The following STX11 variants were observed in gnomAD, a reference collection of about 807,000 sequenced individuals.
STX11 encodes syntaxin 11.
In STX11, 21 loss-of-function variants were observed where a neutral mutation model predicts 19.9. That is an observed-to-expected ratio of 1.06 (90% confidence interval 0.75 to 1.52). The LOEUF (loss-of-function observed/expected upper bound fraction) is 1.52, where lower values mean the gene tolerates loss of function less well. Ranked by LOEUF, STX11 falls within the 40% of genes most tolerant of loss-of-function variation. STX11 has a pLI of 0.00. For synonymous variants in STX11, 193 were observed against 174.4 expected (o/e 1.11, Z -0.84); for missense variants, 438 against 405.9 (o/e 1.08, Z -0.68).
the STX11 span, among the ~76,000 whole-genome samples, chr6:144,140,227 TATATATATATATATATATATATATA>T: frequency 9.9e-5 from 4 of 40,400 alleles, no homozygotes; most frequent in African/African-American, 4.9e-4. Context: ...TATATATATA[TATATATATATATATATATATATATA>T]TATTTATTTA....
In STX11 at chr6:144,170,503, G is replaced by T. The variant is rs73778554; in HGVS notation, c.-5-16120G>T. Among the ~76,000 whole-genome samples, 726 of 152,262 alleles carry T rather than the reference G, an allele frequency of 4.8e-3. 6 individuals carry two copies. The highest frequency in any genetic ancestry group is 0.017 in the African/African-American group (688 of 41,534). ...GACTTGTCACAGGAGGTCAAGTGTG[G>T]AATAGTCCCCTTGTGGCCAATGCTC... On this transcript the variant is annotated intron_variant, in intron 1 of 1. Transcript: ENST00000367568. This position sits in a 1 kb window ranked among gnomAD's most constrained non-coding sequence, Gnocchi z 4.7.
Position 144,169,663 on chromosome 6 carries a change from C to CCCTTCATT in STX11, c.-5-16955_-5-16954insATTCCTTC, listed in dbSNP as rs1801575787. On this transcript the variant is annotated intron_variant, in intron 1 of 1. Coordinates refer to ENST00000367568, the MANE Select transcript of STX11 (RefSeq NM_003764.4). This position sits in a 1 kb window ranked among gnomAD's most constrained non-coding sequence, Gnocchi z 5.2. Reference sequence around the variant, plus strand: ...CTCCTTTTCTTTTCCCTCCCTCCCTCCCTTCCTTCCTTCCTTCCTTCCTTC... The same window carrying CCCTTCATT: ...CTCCTTTTCTTTTCCCTCCCTCCCTCCCTTCATTCCTTCCTTCCTTCCTTCCTTCCTTC... Among the ~76,000 whole-genome samples, 1 of 139,668 alleles carries CCCTTCATT rather than the reference C, an allele frequency of 7.2e-6. No individual in the cohort carries two copies. Among genetic ancestry groups the CCCTTCATT allele is most frequent in the Non-Finnish European group, 1.5e-5 (1 of 64,916 alleles). 91.6% of individuals were successfully genotyped at this position (139,668 alleles called of 152,430 possible).
At chr6:144,147,461 G>C (rs535572514), upstream of STX11, among the ~76,000 whole-genome samples, 1 of 152,224 alleles carries the variant, frequency 6.6e-6, no homozygotes, top group South Asian at 2.1e-4. This position sits in a 1 kb window ranked among gnomAD's most constrained non-coding sequence, Gnocchi z 4.2. Context: ...TCACTAATCA[G>C]AACTTCTCAT....
rs916961386 is a variant in STX11 at position 144,150,521 on chromosome 6, G to A, written c.-188G>A. On this transcript the variant is annotated 5_prime_UTR_variant, in exon 1 of 2. It removes an upstream start codon present in the reference 5' UTR. Coordinates refer to ENST00000367568, the MANE Select transcript of STX11 (RefSeq NM_003764.4). ...GGGGCTGAGCCGGCGGCGCCCAGATGCGGCCGCGGCGGCGCGGAGCTCGGG... is the reference window on the plus strand; with the variant it reads ...GGGGCTGAGCCGGCGGCGCCCAGATACGGCCGCGGCGGCGCGGAGCTCGGG... 2 of 985,278 alleles carry A rather than the reference G, an allele frequency of 2.0e-6. No individual in the cohort carries two copies. The highest frequency in any genetic ancestry group is 2.4e-6 in the Non-Finnish European group (2 of 829,956). The allele number at this position is 985,278 out of a possible 1,614,324, so 61.0% of individuals were successfully genotyped here. A position where few individuals can be genotyped will look rare whatever the true frequency, so the allele number is the denominator to read the frequency against.
chr6:144,181,618 G>C (rs186236942), intron 1 of STX11, among the ~76,000 whole-genome samples: 1,444 of 116,018 alleles, frequency 0.012, 16 homozygotes, highest in Middle Eastern at 0.093. Flanking sequence ...AAAAAAAAAA[G>C]CTGACATGGT....
intron 1 of STX11, among the ~76,000 whole-genome samples, chr6:144,168,511 T>C (rs1716611401): frequency 1.3e-5 from 2 of 152,188 alleles, no homozygotes; most frequent in Admixed American, 1.3e-4. Context: ...TTTGTTGATG[T>C]TAAAAAAAAC....
chr6:144,166,525 CTTTT>C (rs1174123119), intron 1 of STX11, among the ~76,000 whole-genome samples: 1 of 125,530 alleles, frequency 8.0e-6, no homozygotes, highest in African/African-American at 3.1e-5. Context: ...CTTTTCTTTC[CTTTT>C]TTTTTTTTTT....
chr6:144,164,293 T>A (rs1423753056), intron 1 of STX11, among the ~76,000 whole-genome samples: 1 of 152,216 alleles, frequency 6.6e-6, no homozygotes, highest in Non-Finnish European at 1.5e-5. Flanking sequence ...TATGCTGTTG[T>A]GTATATTTTA....
chr6:144,148,295 C>T (rs1800915030), upstream of STX11, among the ~76,000 whole-genome samples: 1 of 152,196 alleles, frequency 6.6e-6, no homozygotes, highest in Non-Finnish European at 1.5e-5. Flanking sequence ...ATGCTCCTGC[C>T]TCGGGGCCTT....
upstream of STX11, among the ~76,000 whole-genome samples, chr6:144,150,332 T>C (rs1338419955): frequency 6.6e-6 from 1 of 152,186 alleles, no homozygotes; most frequent in Non-Finnish European, 1.5e-5. Flanking sequence ...GCCCCTGGGC[T>C]TGCGGGAGGG....
the STX11 span, chr6:144,140,709 G>T: frequency 1.0e-6 from 1 of 979,562 alleles, no homozygotes; most frequent in Non-Finnish European, 1.2e-6. Flanking sequence ...CATCTGAAGA[G>T]TGCCAAAGGG....
chr6:144,149,555 C>A (rs1800939482), upstream of STX11, among the ~76,000 whole-genome samples: 1 of 152,200 alleles, frequency 6.6e-6, no homozygotes, highest in African/African-American at 2.4e-5. This position sits in a 1 kb window ranked among gnomAD's most constrained non-coding sequence, Gnocchi z 5.1. Context: ...CGGCTCACTG[C>A]ATCCTTGACC....
At position 144,187,529 on chromosome 6, in the gene STX11, T is replaced by A. The variant is rs1802094114; in HGVS notation, c.*38T>A. On this transcript the variant is annotated 3_prime_UTR_variant, in exon 2 of 2. Coordinates refer to ENST00000367568, the MANE Select transcript of STX11 (RefSeq NM_003764.4). This position sits in a 1 kb window ranked among gnomAD's most constrained non-coding sequence, Gnocchi z 5.6. ...GGCCGCCACCGCCCATCCCAGACCA[T>A]GGAGCGCGCTGGGAAGGACGCACCA... is the stretch of plus-strand genomic sequence containing the variant. 6.2e-7 allele frequency: 1 copy of A among 1,609,220 alleles called. No homozygotes were observed. Among genetic ancestry groups the A allele is most frequent in the Non-Finnish European group, 8.5e-7 (1 of 1,178,850 alleles).
At chr6:144,161,454 G>A (rs1226676682) in intron 1 of STX11, among the ~76,000 whole-genome samples, 1 of 152,004 alleles carries the variant, frequency 6.6e-6, no homozygotes, top group Non-Finnish European at 1.5e-5. Context: ...TGCAACCCCC[G>A]CCTCCCAGGT....
At position 144,155,990 on chromosome 6, in the gene STX11, CTTTCTTTCT is replaced by C. The variant is rs1562655450; in HGVS notation, c.-6+5290_-6+5298del. 1.5e-5 allele frequency among the ~76,000 whole-genome samples: 2 copies of C among 132,178 alleles called. No individual in the cohort carries two copies. The highest frequency in any genetic ancestry group is 7.4e-5 in the African/African-American group (2 of 26,916). 86.7% of individuals were successfully genotyped at this position (132,178 alleles called of 152,430 possible). The stretch of plus-strand genomic sequence containing the variant: ...TCTTTCTTTCTTTCTTTCTTTCTTT[CTTTCTTTCT>C]TTCTTTCTTTCTTTCTCTCTTTCTC... On this transcript the variant is annotated intron_variant, in intron 1 of 1. Transcript: ENST00000367568. This position sits in a 1 kb window ranked among gnomAD's most constrained non-coding sequence, Gnocchi z 4.5.
At position 144,167,979 on chromosome 6, in the gene STX11, C is replaced by T. The variant is rs1205692265; in HGVS notation, c.-6+17276C>T. On this transcript the variant is annotated intron_variant, in intron 1 of 1. Coordinates refer to ENST00000367568, the MANE Select transcript of STX11 (RefSeq NM_003764.4). The surrounding 1 kb of genome is among the most constrained non-coding windows in gnomAD (Gnocchi z 5.0). Reference sequence around the variant, plus strand: ...TACTTATGGTAAAAAAAATAACATACCATTAATACAGTGAAAAAAATAATG... The same window carrying T: ...TACTTATGGTAAAAAAAATAACATATCATTAATACAGTGAAAAAAATAATG... 2.6e-5 allele frequency among the ~76,000 whole-genome samples: 4 copies of T among 152,128 alleles called. No individual in the cohort carries two copies. Among genetic ancestry groups the T allele is most frequent in the Admixed American group, 2.6e-4 (4 of 15,270 alleles).
rs1163701228 is a variant in STX11, at chr6:144,182,231, A to T, written c.-5-4392A>T. On this transcript the variant is annotated intron_variant, in intron 1 of 1. Transcript: ENST00000367568. The surrounding 1 kb of genome is among the most constrained non-coding windows in gnomAD (Gnocchi z 4.8). ...TATTTTTGTATAACTTCAGTAGTGT[A>T]TACACTTTTAACCTTTTTGGAGACA... Among the ~76,000 whole-genome samples, 1 of 152,192 alleles carries T rather than the reference A, an allele frequency of 6.6e-6. No homozygotes were observed. The highest frequency in any genetic ancestry group is 1.9e-4 in the East Asian group (1 of 5,200).
Position 144,170,375 on chromosome 6 carries a change from C to A in STX11, c.-5-16248C>A, listed in dbSNP as rs1299457378. ...GTGTGCGTGGGAAGGGGAATCTGGA[C>A]ATGTGCAGAAAAGATGTATTGCAGC... On this transcript the variant is annotated intron_variant, in intron 1 of 1. Coordinates refer to ENST00000367568, the MANE Select transcript of STX11 (RefSeq NM_003764.4). The surrounding 1 kb of genome is among the most constrained non-coding windows in gnomAD (Gnocchi z 4.7). Among the ~76,000 whole-genome samples the A allele has an allele frequency of 1.3e-5, 2 of 152,098 alleles. No individual in the cohort carries two copies. Among genetic ancestry groups the A allele is most frequent in the African/African-American group, 4.8e-5 (2 of 41,408 alleles).
chr6:144,190,486 T>A lies in STX11; in HGVS notation c.*2995T>A, dbSNP rs570714295. Among the ~76,000 whole-genome samples, 1 of 152,218 alleles carries A rather than the reference T, an allele frequency of 6.6e-6. No homozygotes were observed. The highest frequency in any genetic ancestry group is 2.4e-5 in the African/African-American group (1 of 41,512). Reference sequence around the variant, plus strand: ...CCCAAGTAAATTTATAGTTTTTAAGTACAGAGGAAAAATAAAGCCTATTTT... The same window carrying A: ...CCCAAGTAAATTTATAGTTTTTAAGAACAGAGGAAAAATAAAGCCTATTTT... On this transcript the variant is annotated 3_prime_UTR_variant, in exon 2 of 2. Transcript: ENST00000367568.
Sources: gnomAD v4.1 joint callset for allele counts (sites outside exome capture counted in the v4.1 genomes callset) on GRCh38, gnomAD v4.1.1 for gene constraint, Gnocchi (gnomAD v3.1) non-coding constraint, MANE v1.5 for transcripts, NCBI Gene and HGNC (gene_info 2026-07-23, HGNC 2026-07-21) for gene names.